The following DTNB variants were observed in gnomAD, a reference collection of about 807,000 sequenced individuals.
DTNB encodes DTN-B.
Under a neutral mutation model 90.7 loss-of-function variants are expected in DTNB, and 63 were observed. The ratio of observed to expected loss-of-function variants is 0.69; its 90% confidence interval spans 0.57 to 0.86. The LOEUF (loss-of-function observed/expected upper bound fraction) is 0.86. Ranked by LOEUF, DTNB falls within the 40% of genes least tolerant of loss-of-function variation. DTNB has a pLI of 0.00. For synonymous variants in DTNB, 277 were observed against 286.7 expected, an observed-to-expected ratio of 0.97 and a Z score of 0.34; for missense variants, 744 against 807.1, an observed-to-expected ratio of 0.92 and a Z score of 0.95.
rs957910325 is a variant in DTNB at position 25,653,584 on chromosome 2, T to C, written c.-1-923A>G. Among the ~76,000 whole-genome samples, 12 of 149,176 alleles carry C rather than the reference T, an allele frequency of 8.0e-5. No homozygotes were observed. In the East Asian group the frequency reaches 2.2e-3, roughly 27 times the overall value. On this transcript the variant is annotated intron_variant, in intron 1 of 20. Transcript: ENST00000406818. ...TGGAGTGCAGTGGTGCGATCTCAGC[T>C]TGCTGCAACCTCCGACTCCCGGGTT... is the stretch of plus-strand genomic sequence containing the variant.
At chr2:25,640,561 C>A (rs750211940) in intron 2 of DTNB, among the ~76,000 whole-genome samples, 5 of 152,176 alleles carry the variant, frequency 3.3e-5, no homozygotes, top group East Asian at 1.9e-4. Flanking sequence ...ATCCCTCTCT[C>A]TCTCTGTATT....
At chr2:25,671,687 A>C (rs17391976) in intron 1 of DTNB, among the ~76,000 whole-genome samples, 41,935 of 152,086 alleles carry the variant, frequency 0.28, 6,613 homozygotes, top group Non-Finnish European at 0.37. Context: ...ACATCCAAAA[A>C]CTCTGCCAGC....
intron 9 of DTNB, among the ~76,000 whole-genome samples, chr2:25,529,602 TG>T (rs2077774101): frequency 6.6e-6 from 1 of 151,148 alleles, no homozygotes; most frequent in Non-Finnish European, 1.5e-5. Context: ...AAGAAAGCAA[TG>T]AGAAACCGCA....
intron 3 of DTNB, among the ~76,000 whole-genome samples, chr2:25,635,725 G>A (rs1434120493): frequency 1.3e-5 from 2 of 152,180 alleles, no homozygotes; most frequent in African/African-American, 2.4e-5. Flanking sequence ...GTTGGTTTTA[G>A]TAGAAATTGG....
intron 1 of DTNB, chr2:25,672,658 A>G (rs2086310575): frequency 6.6e-6 from 1 of 152,192 alleles, no homozygotes; most frequent in Non-Finnish European, 1.5e-5. Context: ...GGCATGCGAC[A>G]TAAAATTCGA....
At chr2:25,459,812 T>C (rs767848289) in intron 10 of DTNB, among the ~76,000 whole-genome samples, 1 of 152,066 alleles carries the variant, frequency 6.6e-6, no homozygotes, top group Non-Finnish European at 1.5e-5. Context: ...ATTTATATTT[T>C]AATAAGATCA....
At chr2:25,399,764 T>A (rs189330073) in intron 16 of DTNB, among the ~76,000 whole-genome samples, 1 of 152,368 alleles carries the variant, frequency 6.6e-6, no homozygotes, top group Non-Finnish European at 1.5e-5. Context: ...CCCTTCAATG[T>A]GGGCTAGGCC....
rs13007113 is a variant in DTNB, at chr2:25,388,244, G to A, written c.1693C>T (p.Leu565=). 40 of 1,603,964 alleles carry A rather than the reference G, an allele frequency of 2.5e-5. No homozygotes were observed. Among genetic ancestry groups the A allele is most frequent in the Non-Finnish European group, 3.3e-5 (39 of 1,175,800 alleles). Residue 565 remains leucine, a synonymous_variant, in exon 17 of 21, where the codon CTG becomes TTG. Transcript: ENST00000406818. The part of the protein sequence containing the change: ...STPTHCPQDS[L]SGVGGDVQEA... ...TGCACGTCTCCCCCGACTCCGCTCA[G>A]CGAGTCCTGCGGACAGTGGGTGGGG...
At chr2:25,527,293 A>AG (rs1477001870) in intron 9 of DTNB, among the ~76,000 whole-genome samples, 2 of 152,122 alleles carry the variant, frequency 1.3e-5, no homozygotes, top group Non-Finnish European at 2.9e-5. Flanking sequence ...GGAGGCCAAA[A>AG]GGGGGTGGAT....
chr2:25,569,797 AACT>A, intron 8 of DTNB, among the ~76,000 whole-genome samples: 1 of 152,248 alleles, frequency 6.6e-6, no homozygotes, highest in East Asian at 1.9e-4. Flanking sequence ...TTCCAATAGG[AACT>A]ACTATTAGAA....
At chr2:25,564,747 A>G (rs947167740) in intron 8 of DTNB, among the ~76,000 whole-genome samples, 1 of 152,152 alleles carries the variant, frequency 6.6e-6, no homozygotes, top group African/African-American at 2.4e-5. Context: ...TCTTTGATTA[A>G]ATATAATCCT....
intron 3 of DTNB, among the ~76,000 whole-genome samples, chr2:25,633,220 G>C (rs1039722975): frequency 6.6e-6 from 1 of 152,314 alleles, no homozygotes; most frequent in East Asian, 1.9e-4. Context: ...CCGAGCCGAA[G>C]CTGGACTGTA....
intron 2 of DTNB, among the ~76,000 whole-genome samples, chr2:25,639,863 A>G (rs926037931): frequency 6.6e-6 from 1 of 152,230 alleles, no homozygotes; most frequent in Non-Finnish European, 1.5e-5. Flanking sequence ...TACCGTGAGA[A>G]AGCCCAGACT....
At chr2:25,607,393 C>G in intron 4 of DTNB, 72 bp from the exon 5 acceptor site, 1 of 1,406,258 alleles carries the variant, frequency 7.1e-7, no homozygotes, top group Non-Finnish European at 9.8e-7. Flanking sequence ...TCACTAAATA[C>G]TGAGCAACCC....
chr2:25,638,903 TAA>T, intron 3 of DTNB, 109 bp downstream of exon 3: 2 of 1,121,668 alleles, frequency 1.8e-6, no homozygotes, highest in Non-Finnish European at 2.4e-6. Flanking sequence ...AATAAATACT[TAA>T]GACAAAAATA....
At chr2:25,643,475 A>G (rs570437200) in intron 2 of DTNB, among the ~76,000 whole-genome samples, 1 of 152,350 alleles carries the variant, frequency 6.6e-6, no homozygotes, top group African/African-American at 2.4e-5. Context: ...AAACACGTTA[A>G]AATTGGGAAG....
chr2:25,382,519 C>CTTTTTTTT (rs3041261), intron 19 of DTNB, among the ~76,000 whole-genome samples: 1 of 72,008 alleles, frequency 1.4e-5, no homozygotes, highest in African/African-American at 6.0e-5. Flanking sequence ...AGTTCTCTGC[C>CTTTTTTTT]TTTTTTTTTT....
At chr2:25,633,872 T>G (rs2076376383) in intron 3 of DTNB, among the ~76,000 whole-genome samples, 1 of 147,986 alleles carries the variant, frequency 6.8e-6, no homozygotes, top group African/African-American at 2.5e-5. Flanking sequence ...CGACCCCGTC[T>G]GGGAGGTGAG....
chr2:25,591,281 G>A (rs1264459355), intron 6 of DTNB, among the ~76,000 whole-genome samples: 1 of 152,200 alleles, frequency 6.6e-6, no homozygotes, highest in Non-Finnish European at 1.5e-5. Context: ...TGCGCCCAGG[G>A]AAGGCGAAGC....
Sources: allele counts gnomAD v4.1 joint callset (sites outside exome capture counted in the v4.1 genomes callset), GRCh38; gene constraint gnomAD v4.1.1; transcripts MANE v1.5; gene names NCBI Gene and HGNC (gene_info 2026-07-23, HGNC 2026-07-21).